The following GRIP1 variants were observed in gnomAD, a reference collection of about 807,000 sequenced individuals.
GRIP1 encodes glutamate receptor-interacting protein 1.
Under a neutral mutation model 129.9 loss-of-function variants are expected in GRIP1, and 45 were observed. The observed-to-expected ratio is 0.35, with a 90% confidence interval of 0.27 to 0.44. GRIP1 has a LOEUF of 0.44. Among genes scored for constraint, GRIP1 ranks in the 20% least tolerant of loss-of-function variants. The pLI, the probability that GRIP1 is intolerant of heterozygous loss-of-function variation, is 1.00. For missense variants in GRIP1, 1,196 were observed against 1,396.8 expected (o/e 0.86, Z 2.29); for synonymous variants, 530 against 520.8 (o/e 1.02, Z -0.24).
chr12:66,628,611 CT>C (rs2030380384), intron 1 of GRIP1, among the ~76,000 whole-genome samples: 1 of 152,178 alleles, frequency 6.6e-6, no homozygotes, highest in Non-Finnish European at 1.5e-5. Flanking sequence ...CGCAAAATTT[CT>C]TGTAATTTTC....
chr12:66,819,499 C>A (rs2039281599), intron 1 of GRIP1, among the ~76,000 whole-genome samples: 1 of 152,112 alleles, frequency 6.6e-6, no homozygotes, highest in Non-Finnish European at 1.5e-5. Flanking sequence ...ATTTATTGAA[C>A]TACTATTATG....
At chr12:66,616,658 CA>C (rs1210520112) in intron 1 of GRIP1, among the ~76,000 whole-genome samples, 1 of 152,014 alleles carries the variant, frequency 6.6e-6, no homozygotes, top group Non-Finnish European at 1.5e-5. Flanking sequence ...TCTTAGCCTC[CA>C]AAAGCCAGCA....
intron 9 of GRIP1, among the ~76,000 whole-genome samples, chr12:66,457,344 T>A (rs963176796): frequency 1.3e-5 from 2 of 152,236 alleles, no homozygotes; most frequent in African/African-American, 4.8e-5. Flanking sequence ...CATAGCTCAC[T>A]GTAATCTTGA....
chr12:67,010,522 C>T (rs951846760), intron 1 of GRIP1, among the ~76,000 whole-genome samples: 1 of 152,096 alleles, frequency 6.6e-6, no homozygotes. Context: ...GTTTTAGATG[C>T]CACTTTTAAG....
At chr12:66,922,586 C>T (rs987211609) in intron 1 of GRIP1, among the ~76,000 whole-genome samples, 16 of 152,202 alleles carry the variant, frequency 1.1e-4, no homozygotes, top group Admixed American at 7.2e-4. Context: ...CAGCAATGTG[C>T]TTGAGTTAAG....
At chr12:66,983,164 T>C (rs1349769552) in intron 1 of GRIP1, among the ~76,000 whole-genome samples, 1 of 152,198 alleles carries the variant, frequency 6.6e-6, no homozygotes, top group South Asian at 2.1e-4. Flanking sequence ...CTGGACTGCC[T>C]TTCTCTTGAC....
intron 1 of GRIP1, among the ~76,000 whole-genome samples, chr12:66,785,333 TACATAC>T (rs1375362856): frequency 3.1e-4 from 21 of 68,716 alleles, no homozygotes; most frequent in East Asian, 5.2e-4. Flanking sequence ...CATACATACA[TACATAC>T]ATACATATAT....
chr12:66,941,464 G>A (rs566526592), intron 1 of GRIP1, among the ~76,000 whole-genome samples: 34 of 152,140 alleles, frequency 2.2e-4, no homozygotes, highest in African/African-American at 4.6e-4. Flanking sequence ...TCTTCTTTAC[G>A]ATGAATCTAA....
intron 7 of GRIP1, among the ~76,000 whole-genome samples, chr12:66,494,364 A>C (rs906210324): frequency 1.3e-5 from 2 of 152,210 alleles, no homozygotes; most frequent in African/African-American, 4.8e-5. Context: ...TAGAATATAT[A>C]AAGTCACATT....
chr12:66,572,147 A>C (rs1387880425), intron 2 of GRIP1, among the ~76,000 whole-genome samples: 1 of 152,208 alleles, frequency 6.6e-6, no homozygotes, highest in Non-Finnish European at 1.5e-5. Context: ...CTTCCTCAGA[A>C]ACAGCGGAGG....
intron 2 of GRIP1, among the ~76,000 whole-genome samples, chr12:66,555,964 AATGAGG>A (rs2062316119): frequency 6.6e-6 from 1 of 152,194 alleles, no homozygotes. Flanking sequence ...TATTAACCTT[AATGAGG>A]ATGTAGAGAC....
At chr12:66,755,636 G>A (rs1040848384) in intron 1 of GRIP1, among the ~76,000 whole-genome samples, 4 of 152,154 alleles carry the variant, frequency 2.6e-5, no homozygotes, top group Non-Finnish European at 2.9e-5. Flanking sequence ...GTTCTCTTGA[G>A]GCTGTGGCTG....
chr12:66,867,501 A>G (rs2040226964), intron 1 of GRIP1, among the ~76,000 whole-genome samples: 1 of 152,154 alleles, frequency 6.6e-6, no homozygotes, highest in African/African-American at 2.4e-5. Flanking sequence ...GGGTCCTACG[A>G]AAGATTTCAA....
intron 1 of GRIP1, among the ~76,000 whole-genome samples, chr12:66,982,687 G>C (rs566643994): frequency 1.9e-4 from 29 of 152,244 alleles, no homozygotes; most frequent in East Asian, 9.7e-4. Flanking sequence ...GCTTAGAAGT[G>C]GGTTCACCCC....
At chr12:66,544,363 A>C (rs1394043248) in intron 2 of GRIP1, among the ~76,000 whole-genome samples, 1 of 152,204 alleles carries the variant, frequency 6.6e-6, no homozygotes, top group Non-Finnish European at 1.5e-5. Context: ...AGATGGAAAA[A>C]GCAAAGGCCA....
intron 1 of GRIP1, among the ~76,000 whole-genome samples, chr12:66,829,809 C>G (rs1016290234): frequency 2.6e-5 from 4 of 152,116 alleles, no homozygotes; most frequent in Non-Finnish European, 5.9e-5. Flanking sequence ...GAATAAGTCA[C>G]CCTAAGTTCA....
At chr12:66,434,918 C>A (rs2058255060) in intron 13 of GRIP1, among the ~76,000 whole-genome samples, 1 of 152,200 alleles carries the variant, frequency 6.6e-6, no homozygotes, top group Non-Finnish European at 1.5e-5. Context: ...CAGGTTCTAG[C>A]CCTTCCTGGC....
At chr12:66,619,251 CT>C (rs1222073760) in intron 1 of GRIP1, among the ~76,000 whole-genome samples, 1 of 152,068 alleles carries the variant, frequency 6.6e-6, no homozygotes, top group Non-Finnish European at 1.5e-5. Context: ...TGCTATTTCT[CT>C]TTTAAAACAG....
rs959033594 is a variant in GRIP1 at position 66,521,778 on chromosome 12, C to A, written c.503-3802G>T. On this transcript the variant is annotated intron_variant, in intron 5 of 24. Transcript: ENST00000359742. ...CAAAGAAAGGGGTGACAGACGGCAC[C>A]TGGAAAATCGGGTCACTCCCACCCT... Among the ~76,000 whole-genome samples the A allele has an allele frequency of 1.3e-5, 2 of 152,188 alleles. 1 individual carries two copies. The highest frequency in any genetic ancestry group is 4.1e-4 in the South Asian group (2 of 4,834).
Sources: gnomAD v4.1 joint callset for allele counts (sites outside exome capture counted in the v4.1 genomes callset) on GRCh38, gnomAD v4.1.1 for gene constraint, MANE v1.5 for transcripts, NCBI Gene and HGNC (gene_info 2026-07-23, HGNC 2026-07-21) for gene names.